The following PLCH2 variants were observed in gnomAD, a reference collection of about 807,000 sequenced individuals.
PLCH2 encodes 1-phosphatidylinositol 4,5-bisphosphate phosphodiesterase eta-2.
In PLCH2, 98 loss-of-function variants were observed where a neutral mutation model predicts 134.7. The ratio of observed to expected loss-of-function variants is 0.73; its 90% CI spans 0.62 to 0.86. PLCH2 has a LOEUF of 0.86. Ranked by LOEUF, PLCH2 falls within the 40% of genes least tolerant of loss-of-function variation. PLCH2 has a pLI of 0.00. For missense variants in PLCH2, 1,994 were observed against 1,986.6 expected (o/e 1.00, Z -0.07); for synonymous variants, 974 against 827.5 (o/e 1.18, Z -3.04).
At chr1:2,472,731 C>T (rs759056903), upstream of PLCH2, among the ~76,000 whole-genome samples, 39 of 152,182 alleles carry the variant, frequency 2.6e-4, no homozygotes, top group Non-Finnish European at 4.0e-4. Context: ...CAGCAAGCGT[C>T]GGGAGAGGAG....
At chr1:2,503,758 C>T (rs1488244327) in intron 21 of PLCH2, 164 bp from the exon 22 acceptor site, 27 of 615,718 alleles carry the variant, frequency 4.4e-5, no homozygotes, top group Non-Finnish European at 6.5e-5. Context: ...CCGAGTGTGC[C>T]GCGCCCGGGG....
chr1:2,453,623 AC>A, intron 2 of PLCH2, among the ~76,000 whole-genome samples: 1 of 151,864 alleles, frequency 6.6e-6, no homozygotes, highest in Non-Finnish European at 1.5e-5. Context: ...CAGGGGCAGG[AC>A]CCTCCACCAC....
At chr1:2,437,060 G>A (rs913700840) in intron 2 of PLCH2, among the ~76,000 whole-genome samples, 15 of 152,306 alleles carry the variant, frequency 9.8e-5, no homozygotes, top group East Asian at 1.9e-4. Flanking sequence ...AGACAGGGCC[G>A]CCAGGCCTCT....
intron 2 of PLCH2, among the ~76,000 whole-genome samples, chr1:2,458,473 A>G (rs998836910): frequency 3.3e-5 from 5 of 152,306 alleles, no homozygotes; most frequent in African/African-American, 1.2e-4. Context: ...TGACCTGGAC[A>G]TGCCGAGTGG....
At chr1:2,474,629 G>C (rs1641517878), upstream of PLCH2, among the ~76,000 whole-genome samples, 1 of 149,692 alleles carries the variant, frequency 6.7e-6, no homozygotes, top group Non-Finnish European at 1.5e-5. Flanking sequence ...GGGAGGGAGG[G>C]AGCAGAGGCC....
intron 1 of PLCH2, 114 bp downstream of exon 1, chr1:2,476,826 C>T (rs1641655048): frequency 1.8e-6 from 2 of 1,098,860 alleles, no homozygotes; most frequent in East Asian, 2.7e-5. Context: ...CCATCCTGCA[C>T]TCGCCTCCCC....
chr1:2,463,743 C>T (rs1640932115), upstream of PLCH2, among the ~76,000 whole-genome samples: 1 of 152,210 alleles, frequency 6.6e-6, no homozygotes, highest in Non-Finnish European at 1.5e-5. Context: ...GAATGTCCCC[C>T]GCCAGACCGC....
chr1:2,480,419 G>A, intron 4 of PLCH2, 107 bp downstream of exon 4: 2 of 1,266,308 alleles, frequency 1.6e-6, no homozygotes, highest in Non-Finnish European at 2.2e-6. Context: ...GGGGACCCTG[G>A]CAGTGCCCTC....
intron 1 of PLCH2, among the ~76,000 whole-genome samples, chr1:2,428,949 G>T (rs578107840): frequency 3.3e-5 from 5 of 152,110 alleles, no homozygotes; most frequent in African/African-American, 1.2e-4. Flanking sequence ...TGGGGGCCCC[G>T]GGGTGGGTGG....
intron 5 of PLCH2, among the ~76,000 whole-genome samples, chr1:2,485,226 T>TCTCTGGAC: frequency 6.6e-6 from 1 of 152,134 alleles, no homozygotes; most frequent in South Asian, 2.1e-4. Context: ...GGCCAAGTGC[T>TCTCTGGAC]GCCCCACTGA....
At chr1:2,459,568 G>T (rs61763914) in intron 2 of PLCH2, among the ~76,000 whole-genome samples, 5 of 125,800 alleles carry the variant, frequency 4.0e-5, no homozygotes, top group South Asian at 2.8e-4. Flanking sequence ...GGTCCTCCTT[G>T]CCGGTGGTCC....
chr1:2,485,575 C>T (rs1405113964), intron 5 of PLCH2, among the ~76,000 whole-genome samples: 2 of 151,130 alleles, frequency 1.3e-5, no homozygotes, highest in Non-Finnish European at 3.0e-5. Flanking sequence ...TGCTTAGGGA[C>T]CTCCACTCTA....
chr1:2,477,280 T>C (rs1641686042), intron 1 of PLCH2, among the ~76,000 whole-genome samples: 3 of 152,100 alleles, frequency 2.0e-5, no homozygotes, highest in Non-Finnish European at 2.9e-5. Flanking sequence ...CCCTGTGTCC[T>C]GCCTCACCCC....
intron 8 of PLCH2, among the ~76,000 whole-genome samples, chr1:2,488,684 A>C (rs562000694): frequency 6.6e-6 from 1 of 152,344 alleles, no homozygotes; most frequent in African/African-American, 2.4e-5. Context: ...TATACTCCCC[A>C]TTCTGCACTG....
intron 9 of PLCH2, among the ~76,000 whole-genome samples, 174 bp downstream of exon 9, chr1:2,489,552 A>G (rs1380492592): frequency 1.3e-5 from 2 of 152,374 alleles, no homozygotes; most frequent in Non-Finnish European, 2.9e-5. Context: ...ACTCTGGCTC[A>G]GGCCCCTCAT....
intron 1 of PLCH2, chr1:2,467,706 C>G (rs1210857221): frequency 7.4e-6 from 3 of 404,504 alleles, no homozygotes; most frequent in African/African-American, 6.2e-5. Context: ...GTGATGGTCC[C>G]CGTAGGGAGC....
chr1:2,417,340 T>C, the PLCH2 span, among the ~76,000 whole-genome samples: 1 of 152,094 alleles, frequency 6.6e-6, no homozygotes, highest in African/African-American at 2.4e-5. Context: ...GCTCTGTCCA[T>C]GTGAGAGGCA....
chr1:2,472,534 C>T, upstream of PLCH2, among the ~76,000 whole-genome samples: 1 of 152,134 alleles, frequency 6.6e-6, no homozygotes, highest in East Asian at 1.9e-4. Flanking sequence ...GCTCTCCTAG[C>T]CCTGGGATGC....
At chr1:2,418,368 C>G in the PLCH2 span, among the ~76,000 whole-genome samples, 8 of 152,116 alleles carry the variant, frequency 5.3e-5, no homozygotes, top group Non-Finnish European at 1.2e-4. Flanking sequence ...GGTCTGGATG[C>G]CAGGGTCAGG....
Sources: gnomAD v4.1 joint callset for allele counts (sites outside exome capture counted in the v4.1 genomes callset) on GRCh38, gnomAD v4.1.1 for gene constraint, MANE v1.5 for transcripts, NCBI Gene and HGNC (gene_info 2026-07-23, HGNC 2026-07-21) for gene names.